PTPN13: variants seen among roughly 807,000 people sequenced by gnomAD.
PTPN13 encodes tyrosine-protein phosphatase non-receptor type 13.
In PTPN13, 191 loss-of-function variants were observed where a neutral mutation model predicts 284.0. The observed-to-expected ratio is 0.67, with a 90% CI of 0.60 to 0.76. The LOEUF is 0.76. Ranked by LOEUF, PTPN13 falls within the 30% of genes least tolerant of loss-of-function variation. PTPN13 has a pLI of 0.00. For missense variants in PTPN13, 2,797 were observed against 2,939.9 expected, an observed-to-expected ratio of 0.95 and a Z score of 1.12; for synonymous variants, 986 against 1,022.3, an observed-to-expected ratio of 0.96 and a Z score of 0.68.
chr4:86,724,461 G>A (rs1353942968), intron 10 of PTPN13, among the ~76,000 whole-genome samples: 3 of 152,222 alleles, frequency 2.0e-5, no homozygotes, highest in African/African-American at 7.2e-5. Context: ...GCATGCCACT[G>A]TGATATGTCA....
intron 1 of PTPN13, among the ~76,000 whole-genome samples, chr4:86,619,920 T>A (rs1426126378): frequency 2.6e-5 from 4 of 152,136 alleles, no homozygotes; most frequent in African/African-American, 7.2e-5. Flanking sequence ...GGCCACACTC[T>A]TGTGGCTCAT....
chr4:86,623,377 A>G (rs568845363), intron 1 of PTPN13, among the ~76,000 whole-genome samples: 1 of 152,254 alleles, frequency 6.6e-6, no homozygotes, highest in South Asian at 2.1e-4. Context: ...CTCACATACT[A>G]ATCTCTGGAA....
intron 6 of PTPN13, among the ~76,000 whole-genome samples, chr4:86,694,079 A>G (rs1730330656): frequency 6.6e-6 from 1 of 151,678 alleles, no homozygotes; most frequent in African/African-American, 2.4e-5. Context: ...GCACTCTGAT[A>G]TTTTTTATCA....
At chr4:86,708,283 A>AAG (rs1731988380) in intron 7 of PTPN13, among the ~76,000 whole-genome samples, 1 of 152,178 alleles carries the variant, frequency 6.6e-6, no homozygotes, top group Non-Finnish European at 1.5e-5. Flanking sequence ...CAGTTGAGGA[A>AAG]AGAGTGGCTT....
At chr4:86,746,363 C>G (rs1736762464) in intron 17 of PTPN13, among the ~76,000 whole-genome samples, 1 of 152,166 alleles carries the variant, frequency 6.6e-6, no homozygotes, top group Admixed American at 6.5e-5. Flanking sequence ...TGGAATAGCA[C>G]TGATGACCTT....
intron 28 of PTPN13, 114 bp downstream of exon 28, chr4:86,768,090 C>A: frequency 1.1e-6 from 1 of 931,874 alleles, no homozygotes; most frequent in Non-Finnish European, 1.6e-6. Flanking sequence ...TTATTCTTGT[C>A]AAGTACAAAT....
At chr4:86,757,725 C>G (rs539550696) in intron 20 of PTPN13, among the ~76,000 whole-genome samples, 1 of 145,226 alleles carries the variant, frequency 6.9e-6, no homozygotes, top group South Asian at 2.1e-4. Flanking sequence ...GATTATGCCA[C>G]TACACTTATC....
chr4:86,689,269 A>T (rs548219880), intron 5 of PTPN13, 79 bp downstream of exon 5: 1 of 1,156,664 alleles, frequency 8.6e-7, no homozygotes, highest in Non-Finnish European at 1.2e-6. Flanking sequence ...TAAGGATACT[A>T]TATAGGTAGC....
intron 4 of PTPN13, among the ~76,000 whole-genome samples, chr4:86,688,520 C>T (rs1179874930): frequency 6.6e-6 from 1 of 151,434 alleles, no homozygotes; most frequent in Non-Finnish European, 1.5e-5. Context: ...GTTTGACCAA[C>T]ATAATGATAA....
At chr4:86,749,654 AT>A (rs1737166689) in intron 17 of PTPN13, among the ~76,000 whole-genome samples, 1 of 152,204 alleles carries the variant, frequency 6.6e-6, no homozygotes, top group African/African-American at 2.4e-5. Flanking sequence ...GTATCTGTAA[AT>A]TTAGCCTCTA....
chr4:86,719,736 C>T (rs892306852), intron 9 of PTPN13, among the ~76,000 whole-genome samples: 5 of 152,102 alleles, frequency 3.3e-5, no homozygotes, highest in Non-Finnish European at 5.9e-5. Flanking sequence ...TGATATGAAG[C>T]TTTTTTCAAT....
At chr4:86,605,836 T>C (rs541572160) in intron 1 of PTPN13, among the ~76,000 whole-genome samples, 2 of 151,854 alleles carry the variant, frequency 1.3e-5, no homozygotes, top group South Asian at 2.1e-4. Context: ...TAAAGAGATA[T>C]AGGTAAAGTT....
chr4:86,646,253 G>A (rs1282303605), intron 2 of PTPN13, among the ~76,000 whole-genome samples: 1 of 146,764 alleles, frequency 6.8e-6, no homozygotes, highest in Non-Finnish European at 1.5e-5. Flanking sequence ...TTAAGAGAAT[G>A]AAAGGAAAAG....
At chr4:86,691,506 C>T (rs1456448397) in intron 5 of PTPN13, among the ~76,000 whole-genome samples, 1 of 152,188 alleles carries the variant, frequency 6.6e-6, no homozygotes, top group African/African-American at 2.4e-5. Context: ...TGCTCTTCCT[C>T]ATCTCCTAGA....
chr4:86,707,328 A>G (rs1578459616), intron 7 of PTPN13, among the ~76,000 whole-genome samples: 1 of 152,236 alleles, frequency 6.6e-6, no homozygotes, highest in Non-Finnish European at 1.5e-5. Flanking sequence ...GTTCACATCA[A>G]AATGAAATAT....
intron 10 of PTPN13, among the ~76,000 whole-genome samples, chr4:86,730,180 C>G (rs1245646383): frequency 1.3e-5 from 2 of 149,554 alleles, no homozygotes; most frequent in East Asian, 3.9e-4. Context: ...AATATTGCTG[C>G]CTGATCTTTC....
chr4:86,673,712 T>C (rs913933996), intron 3 of PTPN13, among the ~76,000 whole-genome samples: 5 of 152,110 alleles, frequency 3.3e-5, no homozygotes, highest in Admixed American at 6.6e-5. Context: ...GTTGTTGTTG[T>C]TTTGTTTTGT....
intron 7 of PTPN13, among the ~76,000 whole-genome samples, chr4:86,713,757 T>G (rs1349342360): frequency 6.6e-6 from 1 of 152,152 alleles, no homozygotes; most frequent in Non-Finnish European, 1.5e-5. Flanking sequence ...ATTTAAAGCT[T>G]TGTCTCAATG....
At chr4:86,716,732 A>AT (rs1281159399) in intron 8 of PTPN13, 107 bp downstream of exon 8, 28 of 914,634 alleles carry the variant, frequency 3.1e-5, no homozygotes, top group African/African-American at 5.1e-5. Flanking sequence ...ATAATACTGT[A>AT]TAAAATTGAA....
Sources: gnomAD v4.1 joint callset for allele counts (sites outside exome capture counted in the v4.1 genomes callset) on GRCh38, gnomAD v4.1.1 for gene constraint, MANE v1.5 for transcripts, NCBI Gene and HGNC (gene_info 2026-07-23, HGNC 2026-07-21) for gene names.